Variants in SLC1A1 observed in about 807,000 individuals in gnomAD.
SLC1A1 encodes the protein solute carrier family 1 member 1, also known as excitatory amino acid transporter 3.
Under a neutral mutation model 53.3 loss-of-function variants are expected in SLC1A1, and 43 were observed. The ratio of observed to expected loss-of-function variants is 0.81; its 90% CI spans 0.63 to 1.04. The LOEUF is 1.04. Among genes scored for constraint, SLC1A1 ranks in the 50% least tolerant of loss-of-function variants. The pLI is 0.00. For missense variants in SLC1A1, 748 were observed against 664.9 expected, an observed-to-expected ratio of 1.12 and a Z score of -1.37; for synonymous variants, 307 against 243.2, an observed-to-expected ratio of 1.26 and a Z score of -2.44.
intron 1 of SLC1A1, among the ~76,000 whole-genome samples, chr9:4,512,326 A>G (rs992161571): frequency 6.6e-6 from 1 of 152,046 alleles, no homozygotes; most frequent in Non-Finnish European, 1.5e-5. Flanking sequence ...CATCTTGGGC[A>G]ACGTGGCAAA....
chr9:4,580,889 T>C (rs1821038936), intron 10 of SLC1A1, among the ~76,000 whole-genome samples: 1 of 152,098 alleles, frequency 6.6e-6, no homozygotes, highest in Non-Finnish European at 1.5e-5. Flanking sequence ...GTTTTTAATC[T>C]TTTTGTTTGT....
intron 1 of SLC1A1, among the ~76,000 whole-genome samples, chr9:4,490,977 C>T (rs562739020): frequency 6.6e-6 from 1 of 152,320 alleles, no homozygotes; most frequent in Non-Finnish European, 1.5e-5. Flanking sequence ...TCTGGGACTC[C>T]CATTTGAGTG....
intron 1 of SLC1A1, among the ~76,000 whole-genome samples, chr9:4,532,226 A>G (rs1285506461): frequency 1.3e-5 from 2 of 152,198 alleles, no homozygotes; most frequent in African/African-American, 2.4e-5. Context: ...GACGTTGACG[A>G]GTTGAGAGAA....
intron 8 of SLC1A1, 43 bp from the exon 9 acceptor site, chr9:4,575,958 T>A: frequency 2.5e-6 from 4 of 1,606,628 alleles, no homozygotes; most frequent in Admixed American, 1.7e-5. Context: ...TGTGGGGAGG[T>A]GGTATTATCT....
intron 6 of SLC1A1, among the ~76,000 whole-genome samples, chr9:4,571,284 T>G (rs552331901): frequency 3.3e-5 from 5 of 151,118 alleles, no homozygotes; most frequent in African/African-American, 7.3e-5. Flanking sequence ...TAATGGATAC[T>G]AGGCTTAATA....
chr9:4,517,347 GT>G (rs1367258200), intron 1 of SLC1A1, among the ~76,000 whole-genome samples: 2 of 152,188 alleles, frequency 1.3e-5, no homozygotes, highest in African/African-American at 4.8e-5. Context: ...AGACTAGCTT[GT>G]TCTCTTGTCT....
At position 4,585,881 on chromosome 9, in the gene SLC1A1, T is replaced by C; in HGVS notation, c.*323T>C. On this transcript the variant is annotated 3_prime_UTR_variant, in exon 12 of 12. Coordinates refer to ENST00000262352, the MANE Select transcript of SLC1A1 (RefSeq NM_004170.6). ...TAATGGATATGAAAGAGAAAATGCTTTCTCATGCATAGACAAGTGTTTTGG... is the reference window on the plus strand; with the variant it reads ...TAATGGATATGAAAGAGAAAATGCTCTCTCATGCATAGACAAGTGTTTTGG... 1 of 305,974 alleles carries C rather than the reference T, an allele frequency of 3.3e-6. No homozygotes were observed. The highest frequency in any genetic ancestry group is 6.2e-6 in the Non-Finnish European group (1 of 161,492). 19.0% of individuals were successfully genotyped at this position (305,974 alleles called of 1,614,324 possible). A position where few individuals can be genotyped will look rare whatever the true frequency, so the allele number is the denominator to read the frequency against.
Position 4,587,062 on chromosome 9 carries a change from T to G in SLC1A1, c.*1504T>G, listed in dbSNP as rs538055778. The G allele has an allele frequency of 3.3e-5, 5 of 152,766 alleles. No individual in the cohort carries two copies. In the East Asian group the frequency reaches 9.6e-4, roughly 29 times the overall value. 9.5% of individuals were successfully genotyped at this position (152,766 alleles called of 1,614,324 possible). ...TAGCCAACTTAAACCTGTGCTTTCA[T>G]GTTTAAGAAATGAGAAATTGTGCCA... is the stretch of plus-strand genomic sequence containing the variant. On this transcript the variant is annotated 3_prime_UTR_variant, in exon 12 of 12. Transcript: ENST00000262352.
intron 1 of SLC1A1, among the ~76,000 whole-genome samples, chr9:4,526,061 G>T (rs1018580045): frequency 6.6e-6 from 1 of 152,022 alleles, no homozygotes; most frequent in Non-Finnish European, 1.5e-5. Flanking sequence ...GAAGCAGGAG[G>T]GTCAGTTGAG....
intron 1 of SLC1A1, among the ~76,000 whole-genome samples, chr9:4,526,508 T>C (rs752019075): frequency 6.6e-6 from 1 of 152,184 alleles, no homozygotes; most frequent in Non-Finnish European, 1.5e-5. Flanking sequence ...ATCTAATCTA[T>C]CTAAGAGAAG....
At position 4,587,231 on chromosome 9, in the gene SLC1A1, G is replaced by A. The variant is rs1479542154; in HGVS notation, c.*1673G>A. 1 of 152,288 alleles carries A rather than the reference G, an allele frequency of 6.6e-6. No individual in the cohort carries two copies. The highest frequency in any genetic ancestry group is 1.5e-5 in the Non-Finnish European group (1 of 68,020). 9.4% of individuals were successfully genotyped at this position (152,288 alleles called of 1,614,324 possible). ...ATTTTAAAATGCAAATATTGCTATT[G>A]TTTATAGGAAATAAATCTAAATATA... is the stretch of plus-strand genomic sequence containing the variant. On this transcript the variant is annotated 3_prime_UTR_variant, in exon 12 of 12. Coordinates refer to ENST00000262352, the MANE Select transcript of SLC1A1 (RefSeq NM_004170.6).
chr9:4,563,415 G>A (rs1819171830), intron 3 of SLC1A1, among the ~76,000 whole-genome samples: 1 of 152,208 alleles, frequency 6.6e-6, no homozygotes, highest in Non-Finnish European at 1.5e-5. Context: ...CTTATTAGCT[G>A]GAGGCGTATA....
chr9:4,513,215 CAAAT>C (rs970545236), intron 1 of SLC1A1, among the ~76,000 whole-genome samples: 17 of 151,930 alleles, frequency 1.1e-4, no homozygotes, highest in Admixed American at 9.8e-4. Flanking sequence ...TGGACTTTAA[CAAAT>C]AAATCTCTTT....
intron 1 of SLC1A1, among the ~76,000 whole-genome samples, chr9:4,502,566 G>A (rs926152880): frequency 6.6e-6 from 1 of 151,366 alleles, no homozygotes; most frequent in Non-Finnish European, 1.5e-5. Flanking sequence ...TTGACCCTCA[G>A]TACAATGAGT....
intron 7 of SLC1A1, among the ~76,000 whole-genome samples, chr9:4,573,370 C>G (rs1208885983): frequency 6.6e-6 from 1 of 152,166 alleles, no homozygotes; most frequent in Non-Finnish European, 1.5e-5. Flanking sequence ...ATAAAAGCTA[C>G]CCCCAGGGAT....
rs1818399501 is a variant in SLC1A1, at chr9:4,556,482, G to A, written c.233-4967G>A. Among the ~76,000 whole-genome samples the A allele has an allele frequency of 1.3e-5, 2 of 152,158 alleles. No individual in the cohort carries two copies. Among genetic ancestry groups the A allele is most frequent in the Admixed American group, 6.5e-5 (1 of 15,280 alleles). On this transcript the variant is annotated intron_variant, in intron 2 of 11. Transcript: ENST00000262352. The surrounding 1 kb of genome is among the most constrained non-coding windows in gnomAD (Gnocchi z 4.1). ...ACAGCTTTCAACTCCCAGGAGAAAC[G>A]AGTTCTGATAGTGAACTGTAAAGAG...
intron 3 of SLC1A1, among the ~76,000 whole-genome samples, chr9:4,563,494 G>A (rs1819182320): frequency 6.6e-6 from 1 of 152,192 alleles, no homozygotes; most frequent in African/African-American, 2.4e-5. Context: ...TTGCCCAGGA[G>A]TTCCTCCCAT....
intron 1 of SLC1A1, among the ~76,000 whole-genome samples, chr9:4,512,762 T>G (rs897608236): frequency 3.9e-5 from 6 of 151,944 alleles, no homozygotes; most frequent in Admixed American, 2.0e-4. Flanking sequence ...CCAGTTGGTC[T>G]TTTTTATTTT....
At chr9:4,525,359 A>T (rs1816220687) in intron 1 of SLC1A1, among the ~76,000 whole-genome samples, 2 of 152,202 alleles carry the variant, frequency 1.3e-5, no homozygotes, top group Non-Finnish European at 2.9e-5. Flanking sequence ...TATCAAGCTG[A>T]AAAATTAATA....
Sources: allele counts gnomAD v4.1 joint callset (sites outside exome capture counted in the v4.1 genomes callset), GRCh38; gene constraint gnomAD v4.1.1; non-coding constraint Gnocchi (gnomAD v3.1); transcripts MANE v1.5; gene names NCBI Gene and HGNC (gene_info 2026-07-23, HGNC 2026-07-21).